The following KCNH8 variants were observed in gnomAD, a reference collection of about 807,000 sequenced individuals.
The protein encoded by KCNH8 is voltage-gated delayed rectifier potassium channel KCNH8.
KCNH8 carries 70 observed loss-of-function variants against 103.6 expected under a neutral mutation model. The ratio of observed to expected loss-of-function variants is 0.68; its 90% confidence interval spans 0.56 to 0.82. The LOEUF is 0.82. KCNH8 is among the 40% of genes least tolerant of loss of function. The pLI is 0.00. For synonymous variants in KCNH8, 498 were observed against 489.4 expected, an observed-to-expected ratio of 1.02 and a Z score of -0.23; for missense variants, 1,217 against 1,329.9, an observed-to-expected ratio of 0.92 and a Z score of 1.32.
At chr3:19,386,168 G>A (rs1351519779) in intron 5 of KCNH8, among the ~76,000 whole-genome samples, 1 of 152,126 alleles carries the variant, frequency 6.6e-6, no homozygotes, top group Non-Finnish European at 1.5e-5. Flanking sequence ...GACACTTAGT[G>A]TGGGAGATAA....
At chr3:19,459,663 A>G (rs910638417) in intron 11 of KCNH8, among the ~76,000 whole-genome samples, 1 of 152,104 alleles carries the variant, frequency 6.6e-6, no homozygotes, top group Admixed American at 6.6e-5. Flanking sequence ...ATATCCAAAA[A>G]CATCATTGTC....
In KCNH8 at chr3:19,436,058, A is replaced by G. The variant is rs1201335846; in HGVS notation, c.1178-2106A>G. Reference sequence around the variant, plus strand: ...AACTATGCAATCGAAAAATACATCAACTGAATTATCATGCTAATGATAAAC... The same window carrying G: ...AACTATGCAATCGAAAAATACATCAGCTGAATTATCATGCTAATGATAAAC... On this transcript the variant is annotated intron_variant, in intron 7 of 15. Coordinates refer to ENST00000328405, the MANE Select transcript of KCNH8 (RefSeq NM_144633.3). 2.0e-5 allele frequency among the ~76,000 whole-genome samples: 3 copies of G among 152,250 alleles called. No homozygotes were observed. In the East Asian group the frequency reaches 5.8e-4, roughly 29 times the overall value.
chr3:19,465,680 A>G (rs1466313356), intron 11 of KCNH8, among the ~76,000 whole-genome samples: 1 of 151,452 alleles, frequency 6.6e-6, no homozygotes, highest in Non-Finnish European at 1.5e-5. Context: ...AAATTTTGGC[A>G]TTCTAGATGC....
intron 5 of KCNH8, among the ~76,000 whole-genome samples, chr3:19,366,192 G>A (rs6783450): frequency 0.53 from 80,102 of 151,300 alleles, 22,601 homozygotes; most frequent in African/African-American, 0.74. Context: ...AGTTAAAGTC[G>A]CTTAATTTGA....
chr3:19,257,524 C>CTG (rs1213280406), intron 2 of KCNH8, among the ~76,000 whole-genome samples: 1 of 152,000 alleles, frequency 6.6e-6, no homozygotes, highest in African/African-American at 2.4e-5. Flanking sequence ...TGTGTCTTCT[C>CTG]TGATAGCATG....
intron 2 of KCNH8, among the ~76,000 whole-genome samples, chr3:19,261,629 G>C (rs942946166): frequency 1.3e-5 from 2 of 151,776 alleles, no homozygotes; most frequent in South Asian, 4.1e-4. Context: ...TTTTGCTTTT[G>C]TAGACTGAAT....
chr3:19,242,577 A>G (rs1391647590), intron 1 of KCNH8, among the ~76,000 whole-genome samples: 3 of 152,158 alleles, frequency 2.0e-5, no homozygotes, highest in Non-Finnish European at 4.4e-5. Flanking sequence ...CTCCCCCTAA[A>G]CCATAGAAAT....
At position 19,411,776 on chromosome 3, in the gene KCNH8, G is replaced by GACAC. The variant is rs148081857; in HGVS notation, c.1177+16483_1177+16486dup. Among the ~76,000 whole-genome samples, 718 of 146,256 alleles carry GACAC rather than the reference G, an allele frequency of 4.9e-3. 6 individuals carry two copies. Among genetic ancestry groups the GACAC allele is most frequent in the African/African-American group, 0.016 (662 of 40,412 alleles). ...CATTAACCGTAGCCACACACACACA[G>GACAC]ACACACACACACACACACACAGACT... On this transcript the variant is annotated intron_variant, in intron 7 of 15. Transcript: ENST00000328405.
intron 1 of KCNH8, among the ~76,000 whole-genome samples, chr3:19,180,266 AAAGGGCCAAGACAGACT>A (rs2063438710): frequency 6.8e-6 from 1 of 147,756 alleles, no homozygotes; most frequent in Admixed American, 6.7e-5. Flanking sequence ...TTGGCCCTTC[AAAGGGCCAAGACAGACT>A]TGGCCCTTCA....
At chr3:19,310,194 A>G (rs909395887) in intron 3 of KCNH8, among the ~76,000 whole-genome samples, 2 of 151,946 alleles carry the variant, frequency 1.3e-5, no homozygotes, top group Non-Finnish European at 1.5e-5. Context: ...ACTGATTACC[A>G]TGGTATTTGA....
chr3:19,426,697 T>A (rs2125161922), intron 7 of KCNH8, among the ~76,000 whole-genome samples: 1 of 152,174 alleles, frequency 6.6e-6, no homozygotes, highest in South Asian at 2.1e-4. Context: ...TGATACGGTC[T>A]TAAACAATAG....
chr3:19,258,959 A>C (rs1204113794), intron 2 of KCNH8, among the ~76,000 whole-genome samples: 256 of 128,740 alleles, frequency 2.0e-3, no homozygotes, highest in African/African-American at 2.9e-3. Context: ...ATATATATAT[A>C]TATATATATA....
At chr3:19,506,449 T>C (rs1032045874) in intron 11 of KCNH8, among the ~76,000 whole-genome samples, 2 of 152,190 alleles carry the variant, frequency 1.3e-5, no homozygotes, top group Non-Finnish European at 2.9e-5. Context: ...CTGTTGAAGT[T>C]TGTGCTGTGA....
chr3:19,185,407 A>G (rs973212260), intron 1 of KCNH8, among the ~76,000 whole-genome samples: 4 of 151,820 alleles, frequency 2.6e-5, no homozygotes, highest in African/African-American at 9.7e-5. Flanking sequence ...CTTATTAGCT[A>G]TTTGATGTCT....
chr3:19,521,277 GA>G (rs1158142357), intron 15 of KCNH8, among the ~76,000 whole-genome samples: 1 of 152,014 alleles, frequency 6.6e-6, no homozygotes, highest in East Asian at 1.9e-4. Flanking sequence ...GGAAGAAAGA[GA>G]ATTCACTTTG....
Position 19,352,396 on chromosome 3 carries a change from A to G in KCNH8, c.811+4431A>G, listed in dbSNP as rs928486686. ...CACCAAGCGGACCTAATAGACATCT[A>G]CAGAACTCTCCACCCCAAATCAACA... is the stretch of plus-strand genomic sequence containing the variant. On this transcript the variant is annotated intron_variant, in intron 5 of 15. Coordinates refer to ENST00000328405, the MANE Select transcript of KCNH8 (RefSeq NM_144633.3). Among the ~76,000 whole-genome samples the G allele has an allele frequency of 2.0e-5, 3 of 152,312 alleles. No homozygotes were observed. In the South Asian group the frequency reaches 6.2e-4, roughly 32 times the overall value.
At chr3:19,377,991 A>G (rs937539908) in intron 5 of KCNH8, among the ~76,000 whole-genome samples, 1 of 152,036 alleles carries the variant, frequency 6.6e-6, no homozygotes. Flanking sequence ...TTTCTTACCT[A>G]ATGTTCTGGG....
intron 2 of KCNH8, among the ~76,000 whole-genome samples, chr3:19,267,737 T>A (rs1417096762): frequency 6.6e-6 from 1 of 152,110 alleles, no homozygotes; most frequent in Non-Finnish European, 1.5e-5. Flanking sequence ...ATAGAAAATA[T>A]GAAGAAACAC....
At chr3:19,183,763 T>C (rs533005406) in intron 1 of KCNH8, among the ~76,000 whole-genome samples, 9 of 152,194 alleles carry the variant, frequency 5.9e-5, no homozygotes, top group African/African-American at 1.4e-4. Context: ...GAACTTGTGG[T>C]TAGTCTAAAA....
Sources: gnomAD v4.1 joint callset for allele counts (sites outside exome capture counted in the v4.1 genomes callset) on GRCh38, gnomAD v4.1.1 for gene constraint, MANE v1.5 for transcripts, NCBI Gene and HGNC (gene_info 2026-07-23, HGNC 2026-07-21) for gene names.